Variants in KHDRBS2 observed in about 807,000 individuals in gnomAD.
KHDRBS2 encodes the protein KH RNA binding domain containing, signal transduction associated 2, also known as KH domain-containing, RNA-binding, signal transduction-associated protein 2.
KHDRBS2 carries 26 observed loss-of-function variants against 44.3 expected under a neutral mutation model. That is an observed-to-expected ratio of 0.59 (90% confidence interval 0.43 to 0.81). The LOEUF is 0.81. KHDRBS2 is among the 40% of genes least tolerant of loss of function. The pLI is 0.00. For missense variants in KHDRBS2, 476 were observed against 433.1 expected, an observed-to-expected ratio of 1.10 and a Z score of -0.88; for synonymous variants, 194 against 151.1, an observed-to-expected ratio of 1.28 and a Z score of -2.08.
At chr6:62,184,860 C>A (rs1352459620) in intron 1 of KHDRBS2, among the ~76,000 whole-genome samples, 1 of 151,708 alleles carries the variant, frequency 6.6e-6, no homozygotes. Flanking sequence ...CTCAAATTCA[C>A]CTCAGAAATA....
intron 3 of KHDRBS2, among the ~76,000 whole-genome samples, chr6:62,047,412 G>A (rs963121584): frequency 1.7e-4 from 26 of 151,896 alleles, no homozygotes; most frequent in African/African-American, 5.8e-4. Flanking sequence ...AAATAAGCAG[G>A]ATTCTCTTAG....
chr6:61,776,993 A>G (rs1433020239), intron 6 of KHDRBS2, among the ~76,000 whole-genome samples: 4 of 152,316 alleles, frequency 2.6e-5, no homozygotes, highest in Admixed American at 2.6e-4. Flanking sequence ...TTGTAGGGAC[A>G]TGGACGAAAC....
chr6:62,060,583 T>G (rs1791544661), intron 2 of KHDRBS2, among the ~76,000 whole-genome samples: 1 of 150,610 alleles, frequency 6.6e-6, no homozygotes, highest in African/African-American at 2.4e-5. Context: ...TAAAATGAAA[T>G]AGTAAAGGTC....
intron 3 of KHDRBS2, among the ~76,000 whole-genome samples, chr6:62,022,846 T>G (rs1362836079): frequency 6.6e-6 from 1 of 151,748 alleles, no homozygotes; most frequent in East Asian, 1.9e-4. Flanking sequence ...GTGAAATTCC[T>G]TAATTTTTGT....
the KHDRBS2 span, among the ~76,000 whole-genome samples, chr6:61,571,234 C>T: frequency 6.6e-6 from 1 of 151,976 alleles, no homozygotes; most frequent in Non-Finnish European, 1.5e-5. Flanking sequence ...AAAGATATTC[C>T]ATGCAAATGG....
At chr6:62,207,746 A>G (rs1445754829) in intron 1 of KHDRBS2, among the ~76,000 whole-genome samples, 1 of 152,170 alleles carries the variant, frequency 6.6e-6, no homozygotes, top group Admixed American at 6.5e-5. Flanking sequence ...AGCATTCCAT[A>G]CAAAGATTAA....
intron 2 of KHDRBS2, among the ~76,000 whole-genome samples, chr6:62,091,768 T>C (rs1433798681): frequency 6.6e-6 from 1 of 152,176 alleles, no homozygotes; most frequent in Non-Finnish European, 1.5e-5. Flanking sequence ...CTCGATCTGC[T>C]CCATGAGTCC....
chr6:62,106,441 T>A (rs1208750862), intron 2 of KHDRBS2, among the ~76,000 whole-genome samples: 1 of 152,138 alleles, frequency 6.6e-6, no homozygotes, highest in East Asian at 1.9e-4. Flanking sequence ...ACTCAGGACT[T>A]CTGTTATGAA....
chr6:62,032,188 A>C (rs1271109039), intron 3 of KHDRBS2, among the ~76,000 whole-genome samples: 1 of 152,046 alleles, frequency 6.6e-6, no homozygotes, highest in Non-Finnish European at 1.5e-5. Flanking sequence ...AAAAAGTATT[A>C]ATCTTCTAGG....
intron 1 of KHDRBS2, among the ~76,000 whole-genome samples, chr6:62,254,865 T>G (rs1319845116): frequency 6.6e-6 from 1 of 152,024 alleles, no homozygotes; most frequent in Non-Finnish European, 1.5e-5. Flanking sequence ...TATAAAAGGA[T>G]AAGAATAATA....
At chr6:61,786,191 G>GGA (rs142950018) in intron 6 of KHDRBS2, among the ~76,000 whole-genome samples, 6 of 151,340 alleles carry the variant, frequency 4.0e-5, no homozygotes, top group African/African-American at 1.2e-4. Context: ...AGAGGGAGAG[G>GGA]GAGAGAGAGA....
chr6:62,204,267 A>T (rs997258371), intron 1 of KHDRBS2, among the ~76,000 whole-genome samples: 1 of 152,210 alleles, frequency 6.6e-6, no homozygotes. Context: ...GATATCAAAG[A>T]TCTGTTGGAA....
intron 2 of KHDRBS2, among the ~76,000 whole-genome samples, chr6:62,091,761 G>A (rs1180782553): frequency 6.6e-6 from 1 of 152,078 alleles, no homozygotes; most frequent in African/African-American, 2.4e-5. Context: ...GTCCATCCTC[G>A]ATCTGCTCCA....
rs142027961 is a variant in KHDRBS2 at position 62,185,598 on chromosome 6, T to C, written c.92-8286A>G. 2.0e-3 allele frequency among the ~76,000 whole-genome samples: 301 copies of C among 152,142 alleles called. 1 individual carries two copies. The highest frequency in any genetic ancestry group is 6.7e-3 in the African/African-American group (279 of 41,578). On this transcript the variant is annotated intron_variant, in intron 1 of 8. Transcript: ENST00000281156. ...CTTCACAAGTAATTATTTTTGATTA[T>C]TGAAGTAGAAATAGAGACATTAACT...
intron 6 of KHDRBS2, among the ~76,000 whole-genome samples, chr6:61,771,572 G>T (rs1465587806): frequency 2.6e-5 from 4 of 152,050 alleles, no homozygotes; most frequent in Non-Finnish European, 4.4e-5. Context: ...AACCACCAAA[G>T]ATCAAAAGAG....
At chr6:62,160,906 T>C (rs1344433291) in intron 2 of KHDRBS2, among the ~76,000 whole-genome samples, 5 of 152,166 alleles carry the variant, frequency 3.3e-5, no homozygotes, top group Non-Finnish European at 7.4e-5. Context: ...CAATCATCAC[T>C]ATCATTCATC....
chr6:61,692,179 C>A (rs766065333), intron 8 of KHDRBS2, among the ~76,000 whole-genome samples: 3 of 151,958 alleles, frequency 2.0e-5, no homozygotes, highest in Non-Finnish European at 4.4e-5. Flanking sequence ...GAATTATAAG[C>A]CATTCTGACT....
At chr6:61,625,987 T>A in the KHDRBS2 span, among the ~76,000 whole-genome samples, 1 of 152,344 alleles carries the variant, frequency 6.6e-6, no homozygotes, top group Admixed American at 6.5e-5. Flanking sequence ...TAATATTGCA[T>A]TTATTAATTT....
At chr6:61,970,273 T>C (rs1322347465) in intron 4 of KHDRBS2, among the ~76,000 whole-genome samples, 2 of 151,968 alleles carry the variant, frequency 1.3e-5, no homozygotes, top group Admixed American at 6.6e-5. Flanking sequence ...AAAAGTTTCT[T>C]GTTTGCATGA....
Sources: gnomAD v4.1 joint callset for allele counts (sites outside exome capture counted in the v4.1 genomes callset) on GRCh38, gnomAD v4.1.1 for gene constraint, MANE v1.5 for transcripts, NCBI Gene and HGNC (gene_info 2026-07-23, HGNC 2026-07-21) for gene names.